Variants in COL12A1 observed in about 807,000 individuals in gnomAD.
COL12A1 encodes the protein collagen alpha-1(XII) chain.
In COL12A1, 114 loss-of-function variants were observed where a neutral mutation model predicts 349.7. That is an observed-to-expected ratio of 0.33 (90% confidence interval 0.28 to 0.38). The LOEUF (loss-of-function observed/expected upper bound fraction) is 0.38. Among genes scored for constraint, COL12A1 ranks in the 10% least tolerant of loss-of-function variants. The pLI is 1.00. For synonymous variants in COL12A1, 1,369 were observed against 1,329.0 expected (o/e 1.03, Z -0.66); for missense variants, 3,284 against 3,756.9 (o/e 0.87, Z 3.29).
intron 49 of COL12A1, among the ~76,000 whole-genome samples, chr6:75,114,368 AT>A (rs1373366538): frequency 5.3e-5 from 8 of 151,980 alleles, no homozygotes; most frequent in Non-Finnish European, 8.8e-5. Context: ...ACATTTAGTG[AT>A]GATAAAAGGA....
At chr6:75,158,626 C>T (rs1172162476) in intron 14 of COL12A1, among the ~76,000 whole-genome samples, 1 of 152,068 alleles carries the variant, frequency 6.6e-6, no homozygotes, top group Admixed American at 6.6e-5. Context: ...CTTATTATAA[C>T]TATATTTCAT....
chr6:75,126,731 G>A (rs775055236), intron 38 of COL12A1, among the ~76,000 whole-genome samples: 23 of 152,062 alleles, frequency 1.5e-4, no homozygotes, highest in Admixed American at 1.3e-3. Flanking sequence ...TATCCAGAGC[G>A]GAAGTGTTCT....
At chr6:75,150,817 T>C in intron 21 of COL12A1, among the ~76,000 whole-genome samples, 1 of 152,068 alleles carries the variant, frequency 6.6e-6, no homozygotes, top group Admixed American at 6.6e-5. Context: ...GTATGCAGGA[T>C]ATAAACTAAA....
chr6:75,187,058 A>G (rs1415478399), intron 8 of COL12A1, among the ~76,000 whole-genome samples: 2 of 152,032 alleles, frequency 1.3e-5, no homozygotes, highest in South Asian at 2.1e-4. Flanking sequence ...GATCTGTACA[A>G]CAAGCCCCCA....
intron 25 of COL12A1, 149 bp downstream of exon 25, chr6:75,145,177 A>T (rs1175058150): frequency 7.5e-6 from 6 of 800,644 alleles, no homozygotes; most frequent in Non-Finnish European, 1.1e-5. Flanking sequence ...TAGAATTGAG[A>T]CATTTATTCT....
chr6:75,148,915 T>A (rs1372860629), intron 21 of COL12A1, among the ~76,000 whole-genome samples: 1 of 152,148 alleles, frequency 6.6e-6, no homozygotes, highest in Non-Finnish European at 1.5e-5. Context: ...GGGGGTGGTT[T>A]CCCCCATACT....
intron 14 of COL12A1, among the ~76,000 whole-genome samples, chr6:75,157,323 T>C (rs1767814736): frequency 6.6e-6 from 1 of 151,920 alleles, no homozygotes; most frequent in South Asian, 2.1e-4. Context: ...ATAAACATGT[T>C]CTATAGAAAA....
rs767119775 is a variant in COL12A1 at position 75,141,990 on chromosome 6, A to G, written c.4957+42T>C. The stretch of plus-strand genomic sequence containing the variant: ...TAAATTGTGTTACACATGCATGTAA[A>G]GTGTTGTTTCCCATTATCAGTGGAG... On this transcript the variant is annotated intron_variant, in intron 27 of 65. Coordinates refer to ENST00000322507, the MANE Select transcript of COL12A1 (RefSeq NM_004370.6). The G allele has an allele frequency of 4.3e-6, 7 of 1,611,224 alleles. No individual in the cohort carries two copies. The South Asian group carries it at 5.5e-5, about 13-fold the overall frequency.
rs34767467 is a variant in COL12A1 at position 75,183,390 on chromosome 6, T to C, written c.1551A>G (p.Thr517=). 2.5e-3 allele frequency: 4,007 copies of C among 1,614,230 alleles called. 88 individuals carry two copies. The African/African-American group carries it at 0.046, about 19-fold the overall frequency. Residue 517 remains threonine (T), a synonymous_variant, in exon 10 of 66, where the codon ACA becomes ACG. Coordinates refer to ENST00000322507, the MANE Select transcript of COL12A1 (RefSeq NM_004370.6). ...INTFPYRGGS[T]NTGKAMTYVR... ...CATAAGTCATTGCTTTGCCAGTATTTGTAGATCCTCCTCTGTAAGGGAAGG... is the reference window on the plus strand; with the variant it reads ...CATAAGTCATTGCTTTGCCAGTATTCGTAGATCCTCCTCTGTAAGGGAAGG...
chr6:75,098,318 A>G (rs1306463453), intron 58 of COL12A1, among the ~76,000 whole-genome samples: 1 of 152,136 alleles, frequency 6.6e-6, no homozygotes, highest in Non-Finnish European at 1.5e-5. Flanking sequence ...AGGACTATTT[A>G]TGTCTCCACT....
intron 13 of COL12A1, among the ~76,000 whole-genome samples, chr6:75,171,350 G>A (rs1483100175): frequency 2.0e-5 from 3 of 152,112 alleles, no homozygotes; most frequent in Non-Finnish European, 2.9e-5. Context: ...CTTCCCCAAT[G>A]CCAGTGCTAA....
chr6:75,132,964 A>G (rs891087506), intron 34 of COL12A1, among the ~76,000 whole-genome samples: 2 of 152,226 alleles, frequency 1.3e-5, no homozygotes, highest in Admixed American at 6.5e-5. Context: ...ATGAAAGCCA[A>G]TTGTAAAGTC....
In COL12A1 at chr6:75,188,516, T is replaced by G. The variant is rs1769751462; in HGVS notation, c.843A>C (p.Ala281=). Residue 281 remains alanine (A), a synonymous_variant, in exon 8 of 66, where the codon GCA becomes GCC. Transcript: ENST00000322507. The stretch of plus-strand genomic sequence containing the variant: ...TGGAGGCAATTTGTTTGAGTTCTTT[T>G]GCATCTGCAGCTTTAATGCCTTCAA... ...VFSLGIKAAD[A]KELKQIASTP... 1 of 1,613,058 alleles carries G rather than the reference T, an allele frequency of 6.2e-7. No individual in the cohort carries two copies. Among genetic ancestry groups the G allele is most frequent in the South Asian group, 1.1e-5 (1 of 91,050 alleles).
chr6:75,088,377 A>G (rs1767601864), intron 64 of COL12A1, among the ~76,000 whole-genome samples: 1 of 152,030 alleles, frequency 6.6e-6, no homozygotes, highest in African/African-American at 2.4e-5. Flanking sequence ...TAGTGAGGCT[A>G]TGTTTTCTCA....
intron 37 of COL12A1, among the ~76,000 whole-genome samples, chr6:75,129,520 T>G (rs1766195551): frequency 6.6e-6 from 1 of 152,186 alleles, no homozygotes; most frequent in Non-Finnish European, 1.5e-5. Flanking sequence ...GTGAGGGCTA[T>G]GAGGAAGCTA....
Position 75,130,916 on chromosome 6 carries a change from G to T in COL12A1, c.6003C>A (p.Ser2001=). ...LERLIPDTLY[S]VNLVALYSDG... ...CCGAGTACAGAGCCACAAGGTTCAC[G>T]GAATAGAGTGTGTCCGGAATCAGCC... Residue 2001 remains serine (S), a synonymous_variant, in exon 36 of 66, where the codon TCC becomes TCA. Transcript: ENST00000322507. 6.2e-7 allele frequency: 1 copy of T among 1,614,086 alleles called. No homozygotes were observed. Among genetic ancestry groups the T allele is most frequent in the Non-Finnish European group, 8.5e-7 (1 of 1,180,000 alleles).
At chr6:75,138,095 T>G (rs1266994647) in intron 30 of COL12A1, among the ~76,000 whole-genome samples, 1 of 152,028 alleles carries the variant, frequency 6.6e-6, no homozygotes, top group Non-Finnish European at 1.5e-5. Context: ...ATTTATGCCA[T>G]CCAGTCTAAT....
chr6:75,179,136 T>C (rs147802617), intron 11 of COL12A1, among the ~76,000 whole-genome samples: 6 of 152,336 alleles, frequency 3.9e-5, no homozygotes, highest in African/African-American at 1.4e-4. Flanking sequence ...GCTCTGTAAT[T>C]GTTAGCTTAA....
Position 75,202,702 on chromosome 6 carries a change from G to A in COL12A1, c.73+18C>T, listed in dbSNP as rs1388938962. On this transcript the variant is annotated intron_variant, in intron 2 of 65. Transcript: ENST00000322507. ...AATTTTGCATTGTCACTCGGTGAAG[G>A]GGAAGGGAGCCTTTTACCTTCTGCC... The A allele has an allele frequency of 6.4e-7, 1 of 1,550,606 alleles. No individual in the cohort carries two copies. The highest frequency in any genetic ancestry group is 8.7e-7 in the Non-Finnish European group (1 of 1,146,178).
Sources: allele counts gnomAD v4.1 joint callset (sites outside exome capture counted in the v4.1 genomes callset), GRCh38; gene constraint gnomAD v4.1.1; transcripts MANE v1.5; gene names NCBI Gene and HGNC (gene_info 2026-07-23, HGNC 2026-07-21).